The following SPATA7 variants were observed in gnomAD, a reference collection of about 807,000 sequenced individuals.
SPATA7 encodes the protein spermatogenesis associated 7.
SPATA7 carries 43 observed loss-of-function variants against 51.8 expected under a neutral mutation model. That is an observed-to-expected ratio of 0.83 (90% CI 0.65 to 1.07). The LOEUF is 1.07. SPATA7 is among the 50% of genes least tolerant of loss of function. The pLI is 0.00. For missense variants in SPATA7, 683 were observed against 701.3 expected (o/e 0.97, Z 0.30); for synonymous variants, 230 against 252.8 (o/e 0.91, Z 0.86).
chr14:88,461,790 C>T (rs1346167756), intron 4 of SPATA7, among the ~76,000 whole-genome samples: 3 of 152,196 alleles, frequency 2.0e-5, no homozygotes, highest in Non-Finnish European at 4.4e-5. Context: ...CACCTGTCTT[C>T]TGCGTCACTC....
chr14:88,426,204 T>C, intron 5 of SPATA7, 28 bp from the exon 6 acceptor site: 3 of 1,524,304 alleles, frequency 2.0e-6, no homozygotes, highest in Non-Finnish European at 2.7e-6. Flanking sequence ...GTAATGCAGT[T>C]GATGACTGTC....
chr14:88,402,972 A>C (rs1416217482), intron 4 of SPATA7, among the ~76,000 whole-genome samples: 1 of 140,846 alleles, frequency 7.1e-6, no homozygotes, highest in East Asian at 1.9e-4. Context: ...AAAAAAAAAA[A>C]AAAAAAAAAA....
At chr14:88,446,227 C>G (rs147206038) in intron 3 of SPATA7, among the ~76,000 whole-genome samples, 53 of 151,938 alleles carry the variant, frequency 3.5e-4, no homozygotes, top group African/African-American at 8.7e-4. Context: ...TGTATGTGTC[C>G]AGGAATTTAT....
chr14:88,389,185 T>C (rs2075669605), intron 1 of SPATA7, among the ~76,000 whole-genome samples: 1 of 151,808 alleles, frequency 6.6e-6, no homozygotes, highest in Non-Finnish European at 1.5e-5. Flanking sequence ...TTAAATCGTC[T>C]TATTTCTCCC....
downstream of SPATA7, among the ~76,000 whole-genome samples, chr14:88,443,137 G>A (rs1264719286): frequency 5.9e-5 from 9 of 151,994 alleles, no homozygotes; most frequent in Admixed American, 5.9e-4. Context: ...TAGAGACATG[G>A]TTTCACCATG....
chr14:88,429,233 A>G (rs189486407), intron 7 of SPATA7, 115 bp from the exon 8 acceptor site: 52 of 661,544 alleles, frequency 7.9e-5, no homozygotes, highest in Non-Finnish European at 9.8e-5. Flanking sequence ...GTCGTACTGT[A>G]TAATTTTTAT....
chr14:88,416,759 G>T lies in SPATA7; in HGVS notation c.287G>T (p.Cys96Phe). 6.2e-7 allele frequency: 1 copy of T among 1,613,226 alleles called. No homozygotes were observed. Among genetic ancestry groups the T allele is most frequent in the Non-Finnish European group, 8.5e-7 (1 of 1,179,416 alleles). The change falls in exon 5 of 12, where the codon TGT becomes TTT. Residue 96 changes from cysteine (C) to phenylalanine (F), a missense_variant. Transcript: ENST00000393545. ...AAACTCAAAAAGGAATTAGCACAATGTGAAAAAGAGTTCAAATTAACTAAA... is the reference window on the plus strand; with the variant it reads ...AAACTCAAAAAGGAATTAGCACAATTTGAAAAAGAGTTCAAATTAACTAAA... ...REKLKKELAQ[C>F]EKEFKLTKTA...
intron 5 of SPATA7, among the ~76,000 whole-genome samples, chr14:88,420,802 A>G (rs2076620030): frequency 6.6e-6 from 1 of 152,154 alleles, no homozygotes; most frequent in South Asian, 2.1e-4. Flanking sequence ...TAAAACCACA[A>G]CAATACTATT....
chr14:88,436,240 C>G (rs1034068177), intron 10 of SPATA7, among the ~76,000 whole-genome samples: 6 of 152,118 alleles, frequency 3.9e-5, no homozygotes, highest in African/African-American at 1.4e-4. Context: ...AAATCTTTTG[C>G]CCATTTTTTG....
At chr14:88,437,202 G>GTT (rs2077112821) in intron 10 of SPATA7, among the ~76,000 whole-genome samples, 1 of 150,122 alleles carries the variant, frequency 6.7e-6, no homozygotes, top group Non-Finnish European at 1.5e-5. Flanking sequence ...TTAGGGTTTG[G>GTT]TTGTGTGTGT....
Position 88,417,029 on chromosome 14 carries a change from A to G in SPATA7, c.372+185A>G, listed in dbSNP as rs576814502. Among the ~76,000 whole-genome samples the G allele has an allele frequency of 2.6e-5, 4 of 152,280 alleles. No individual in the cohort carries two copies. In the South Asian group the frequency reaches 8.3e-4, roughly 32 times the overall value. On this transcript the variant is annotated intron_variant, in intron 5 of 11. Coordinates refer to ENST00000393545, the MANE Select transcript of SPATA7 (RefSeq NM_018418.5). ...TACTCTGCCATTGGAAGGCAGACAT[A>G]GACAGTACATAAATAAATGAGTATA... is the stretch of plus-strand genomic sequence containing the variant.
intron 1 of SPATA7, among the ~76,000 whole-genome samples, chr14:88,391,102 A>T (rs1180709002): frequency 1.3e-5 from 2 of 152,110 alleles, no homozygotes; most frequent in Non-Finnish European, 2.9e-5. Flanking sequence ...CCTCCTTGTT[A>T]TAGCTTTTAA....
chr14:88,439,582 T>C (rs1302013997), downstream of SPATA7, among the ~76,000 whole-genome samples: 1 of 152,238 alleles, frequency 6.6e-6, no homozygotes, highest in Non-Finnish European at 1.5e-5. Flanking sequence ...CAGGTATTCT[T>C]CTAAAAACTT....
In SPATA7 at chr14:88,438,054, C is replaced by A; in HGVS notation, c.1432C>A (p.Pro478Thr). 6.2e-7 allele frequency: 1 copy of A among 1,614,038 alleles called. No individual in the cohort carries two copies. Among genetic ancestry groups the A allele is most frequent in the Non-Finnish European group, 8.5e-7 (1 of 1,179,996 alleles). Residue 478 changes from proline to threonine, a missense_variant, in exon 12 of 12, where the codon CCA (proline) becomes ACA (threonine). By Grantham distance (38) the Pro-to-Thr change is conservative. Transcript: ENST00000393545. ...QKALDMLLSA[P>T]KDENEIFPSP... Reference sequence around the variant, plus strand: ...GGCTTTGGATATGTTATTGTCGGCACCAAAGGATGAGAACGAGATATTCCC... The same window carrying A: ...GGCTTTGGATATGTTATTGTCGGCAACAAAGGATGAGAACGAGATATTCCC...
intron 5 of SPATA7, among the ~76,000 whole-genome samples, chr14:88,421,387 G>A (rs186241728): frequency 3.6e-4 from 55 of 152,174 alleles, no homozygotes; most frequent in African/African-American, 1.3e-3. Context: ...AAAAACTATG[G>A]ACTGCTGGGC....
chr14:88,422,872 T>G (rs763562914), intron 5 of SPATA7, among the ~76,000 whole-genome samples: 6 of 152,116 alleles, frequency 3.9e-5, no homozygotes, highest in Non-Finnish European at 7.4e-5. Context: ...TTTTGATAAT[T>G]GAATGGGTGT....
chr14:88,390,255 A>AT (rs71126981), intron 1 of SPATA7, among the ~76,000 whole-genome samples: 7,593 of 144,654 alleles, frequency 0.052, 227 homozygotes, highest in Non-Finnish European at 0.065. Flanking sequence ...TAAAATGGGA[A>AT]TTTTTTTTTT....
chr14:88,437,480 C>T, intron 10 of SPATA7, 63 bp from the exon 11 acceptor site: 1 of 1,150,160 alleles, frequency 8.7e-7, no homozygotes, highest in Non-Finnish European at 1.3e-6. Context: ...TGTTACGTAG[C>T]TAGTTTATAT....
chr14:88,440,311 G>C (rs2077169643), downstream of SPATA7, among the ~76,000 whole-genome samples: 1 of 152,064 alleles, frequency 6.6e-6, no homozygotes, highest in Admixed American at 6.6e-5. Context: ...TCTAACTCTG[G>C]GTACAGCTTC....
Sources: allele counts gnomAD v4.1 joint callset (sites outside exome capture counted in the v4.1 genomes callset), GRCh38; gene constraint gnomAD v4.1.1; transcripts MANE v1.5; gene names NCBI Gene and HGNC (gene_info 2026-07-23, HGNC 2026-07-21).